Variants in TRIM67 observed in about 807,000 individuals in gnomAD.
TRIM67 encodes tripartite motif containing 67, also known as tripartite motif-containing protein 67.
Under a neutral mutation model 71.0 loss-of-function variants are expected in TRIM67, and 39 were observed. That is an observed-to-expected ratio of 0.55 (90% confidence interval 0.43 to 0.72). TRIM67 has a LOEUF of 0.72. TRIM67 is among the 30% of genes least tolerant of loss of function. The pLI is 0.00. For synonymous variants in TRIM67, 481 were observed against 473.9 expected (o/e 1.01, Z -0.19); for missense variants, 973 against 1,079.2 (o/e 0.90, Z 1.38).
chr1:231,214,099 A>G, intron 9 of TRIM67, 122 bp downstream of exon 9: 1 of 1,234,350 alleles, frequency 8.1e-7, no homozygotes, highest in Non-Finnish European at 1.1e-6. Flanking sequence ...TCCCAGACAG[A>G]GCTTATCAAC....
chr1:231,185,042 C>G (rs564968391), intron 1 of TRIM67: 1 of 1,533,004 alleles, frequency 6.5e-7, no homozygotes, highest in South Asian at 1.2e-5. Context: ...AGGGCCTAGG[C>G]TAGTGTGGAG....
At chr1:231,201,592 G>A (rs749715221) in intron 5 of TRIM67, 75 bp downstream of exon 5, 79 of 1,509,002 alleles carry the variant, frequency 5.2e-5, no homozygotes, top group African/African-American at 6.9e-5. Context: ...CCAGCTCGGT[G>A]CCATAGGGAG....
intron 5 of TRIM67, among the ~76,000 whole-genome samples, chr1:231,202,640 T>C (rs1683584710): frequency 6.6e-6 from 1 of 152,114 alleles, no homozygotes; most frequent in African/African-American, 2.4e-5. Flanking sequence ...GCAGAATCTG[T>C]GAACTCAGGA....
rs753425040 is a variant in TRIM67 at position 231,209,113 on chromosome 1, C to A, written c.1986C>A (p.Asn662Lys). The stretch of plus-strand genomic sequence containing the variant: ...AGCTGCACGTGGACCGGTACGACAA[C>A]CACCCAGACCCCGCCTTCGGGGTGG... The part of the protein sequence containing the change: ...YWELHVDRYD[N>K]HPDPAFGVAR... Residue 662 changes from asparagine (N) to lysine (K), a missense_variant, in exon 8 of 10, where the codon AAC becomes AAA. Transcript: ENST00000366653. This position sits in a 1 kb window ranked among gnomAD's most constrained non-coding sequence, Gnocchi z 4.1. The A allele has an allele frequency of 3.1e-6, 5 of 1,614,006 alleles. No homozygotes were observed. The highest frequency in any genetic ancestry group is 3.4e-6 in the Non-Finnish European group (4 of 1,179,886).
chr1:231,168,987 G>A (rs1329421331), intron 1 of TRIM67, among the ~76,000 whole-genome samples: 3 of 152,218 alleles, frequency 2.0e-5, no homozygotes, highest in Non-Finnish European at 2.9e-5. Context: ...AGAAGAGTCC[G>A]CCGGGGCTCT....
chr1:231,189,848 T>C (rs139721139), intron 1 of TRIM67, among the ~76,000 whole-genome samples: 8 of 152,106 alleles, frequency 5.3e-5, no homozygotes, highest in African/African-American at 1.7e-4. Flanking sequence ...ATTCAGACCA[T>C]AGCACATGAA....
Position 231,209,749 on chromosome 1 carries a change from C to CTTG in TRIM67, c.2123+499_2123+500insTTG. ...GGCCGGGCCCTTGACAGGGCAGTAG[C>CTTG]AGAGGGCATGGCTGGGGTGCTCACT... On this transcript the variant is annotated intron_variant, in intron 8 of 9. Transcript: ENST00000366653. This position sits in a 1 kb window ranked among gnomAD's most constrained non-coding sequence, Gnocchi z 4.1. Among the ~76,000 whole-genome samples, 1 of 152,330 alleles carries CTTG rather than the reference C, an allele frequency of 6.6e-6. No individual in the cohort carries two copies. The highest frequency in any genetic ancestry group is 2.1e-4 in the South Asian group (1 of 4,826).
chr1:231,191,292 T>C (rs750682669), intron 1 of TRIM67, among the ~76,000 whole-genome samples: 21 of 152,242 alleles, frequency 1.4e-4, no homozygotes, highest in African/African-American at 3.6e-4. Flanking sequence ...CTAGAACTCC[T>C]GGGCTCAAGT....
At chr1:231,187,499 A>T (rs1683116341) in intron 1 of TRIM67, 2 of 621,966 alleles carry the variant, frequency 3.2e-6, no homozygotes, top group African/African-American at 2.1e-5. Flanking sequence ...GCCACAGGTT[A>T]AAAAAAAAAA....
rs1684103022 is a variant in TRIM67, at chr1:231,220,015, A to C, written c.*4575A>C. On this transcript the variant is annotated 3_prime_UTR_variant, in exon 10 of 10. Coordinates refer to ENST00000366653, the MANE Select transcript of TRIM67 (RefSeq NM_001004342.5). ...CAATCTCTTATCCTTTCTGTGCCTC[A>C]GTATCCCCACCTGAAATGAGACTAG... The C allele has an allele frequency of 1.2e-5, 15 of 1,214,858 alleles. No homozygotes were observed. Among genetic ancestry groups the C allele is most frequent in the Admixed American group, 4.6e-5 (2 of 43,472 alleles). The allele number at this position is 1,214,858 out of a possible 1,614,324, so 75.3% of individuals were successfully genotyped here.
Position 231,199,035 on chromosome 1 carries a change from A to G in TRIM67, c.1141-12A>G, listed in dbSNP as rs1683449895. On this transcript the variant is annotated splice_polypyrimidine_tract_variant and intron_variant, in intron 2 of 9. Coordinates refer to ENST00000366653, the MANE Select transcript of TRIM67 (RefSeq NM_001004342.5). ...CTTTGCTTCTTCCCAACCAACCCCC[A>G]ACCTCTGCCAGGAAAACGGACTGGA... 6.2e-7 allele frequency: 1 copy of G among 1,613,750 alleles called. No individual in the cohort carries two copies. Among genetic ancestry groups the G allele is most frequent in the Non-Finnish European group, 8.5e-7 (1 of 1,179,826 alleles).
At chr1:231,172,549 G>A (rs1414968450) in intron 1 of TRIM67, among the ~76,000 whole-genome samples, 1 of 152,206 alleles carries the variant, frequency 6.6e-6, no homozygotes, top group Admixed American at 6.5e-5. Flanking sequence ...GGTGAGCTGG[G>A]TTCTGGGAAC....
In TRIM67 at chr1:231,215,467, G is replaced by T; in HGVS notation, c.*27G>T. 1.3e-6 allele frequency: 2 copies of T among 1,571,060 alleles called. No individual in the cohort carries two copies. Among genetic ancestry groups the T allele is most frequent in the Non-Finnish European group, 8.7e-7 (1 of 1,154,792 alleles). The stretch of plus-strand genomic sequence containing the variant: ...CCCGCTCCAGCTCGGCACTGTGCCT[G>T]TGACAGTGACATTCACAGGCAAAAC... On this transcript the variant is annotated 3_prime_UTR_variant, in exon 10 of 10. Transcript: ENST00000366653.
Position 231,217,474 on chromosome 1 carries a change from G to A in TRIM67, c.*2034G>A. The A allele has an allele frequency of 1.0e-6, 1 of 999,338 alleles. No homozygotes were observed. Among genetic ancestry groups the A allele is most frequent in the Non-Finnish European group, 1.2e-6 (1 of 838,344 alleles). 61.9% of individuals were successfully genotyped at this position (999,338 alleles called of 1,614,324 possible). ...AGCTTCATCCTTAGCCATAGCTCTGGGTGGCCTTTGCTTGGAGCATGGAGA... is the reference window on the plus strand; with the variant it reads ...AGCTTCATCCTTAGCCATAGCTCTGAGTGGCCTTTGCTTGGAGCATGGAGA... On this transcript the variant is annotated 3_prime_UTR_variant, in exon 10 of 10. Coordinates refer to ENST00000366653, the MANE Select transcript of TRIM67 (RefSeq NM_001004342.5).
chr1:231,206,002 G>A (rs926883995), intron 6 of TRIM67, among the ~76,000 whole-genome samples: 5 of 152,188 alleles, frequency 3.3e-5, no homozygotes, highest in African/African-American at 7.2e-5. Context: ...ATCACGCCTC[G>A]CCGCCTCGCA....
intron 1 of TRIM67, among the ~76,000 whole-genome samples, chr1:231,175,673 G>A (rs770917415): frequency 5.3e-5 from 8 of 152,214 alleles, no homozygotes; most frequent in African/African-American, 1.7e-4. Context: ...GGGAGATACC[G>A]TCTCTATCTT....
chr1:231,204,294 C>T (rs1250378057), intron 6 of TRIM67, among the ~76,000 whole-genome samples: 1 of 152,250 alleles, frequency 6.6e-6, no homozygotes, highest in Non-Finnish European at 1.5e-5. Flanking sequence ...CACACAGCAA[C>T]ACATTCCCTC....
At position 231,209,809 on chromosome 1, in the gene TRIM67, G is replaced by T. The variant is rs1683818692; in HGVS notation, c.2123+559G>T. ...CCTGCCAAGGGTGCCCACAGCTGTG[G>T]CTTTGCCCTGAGACTGGCCCTGGGA... On this transcript the variant is annotated intron_variant, in intron 8 of 9. Transcript: ENST00000366653. This position sits in a 1 kb window ranked among gnomAD's most constrained non-coding sequence, Gnocchi z 4.1. 6.6e-6 allele frequency among the ~76,000 whole-genome samples: 1 copy of T among 152,184 alleles called. No homozygotes were observed. The highest frequency in any genetic ancestry group is 1.5e-5 in the Non-Finnish European group (1 of 68,018).
chr1:231,183,630 A>G (rs890811215), intron 1 of TRIM67, among the ~76,000 whole-genome samples: 1 of 152,032 alleles, frequency 6.6e-6, no homozygotes, highest in South Asian at 2.1e-4. Context: ...CCCAACAAAA[A>G]GCAAAAAATA....
Sources: allele counts gnomAD v4.1 joint callset (sites outside exome capture counted in the v4.1 genomes callset), GRCh38; gene constraint gnomAD v4.1.1; non-coding constraint Gnocchi (gnomAD v3.1); transcripts MANE v1.5; gene names NCBI Gene and HGNC (gene_info 2026-07-23, HGNC 2026-07-21).